Variants in STAU2 observed in about 807,000 individuals in gnomAD.
STAU2 encodes staufen double-stranded RNA binding protein 2.
Under a neutral mutation model 65.9 loss-of-function variants are expected in STAU2, and 20 were observed. That is an observed-to-expected ratio of 0.30 (90% CI 0.21 to 0.44). The LOEUF (loss-of-function observed/expected upper bound fraction) is 0.44, where lower values mean the gene tolerates loss of function less well. Ranked by LOEUF, STAU2 falls within the 20% of genes least tolerant of loss-of-function variation. The pLI, the probability that STAU2 is intolerant of heterozygous loss-of-function variation, is 1.00. For missense variants in STAU2, 558 were observed against 683.9 expected (o/e 0.82, Z 2.05); for synonymous variants, 232 against 233.9 (o/e 0.99, Z 0.07).
chr8:73,464,107 A>C (rs1488577667), intron 13 of STAU2, among the ~76,000 whole-genome samples: 3 of 152,170 alleles, frequency 2.0e-5, no homozygotes, highest in Non-Finnish European at 4.4e-5. Context: ...CTTTTGAATA[A>C]ACTTTTCCGG....
At chr8:73,570,980 T>C (rs560202991) in intron 12 of STAU2, among the ~76,000 whole-genome samples, 9 of 152,256 alleles carry the variant, frequency 5.9e-5, no homozygotes, top group Admixed American at 4.6e-4. Context: ...GACCCATCAG[T>C]GTGCTGTATT....
At chr8:73,683,686 A>G (rs1448837909) in intron 5 of STAU2, among the ~76,000 whole-genome samples, 5 of 152,292 alleles carry the variant, frequency 3.3e-5, no homozygotes, top group African/African-American at 1.2e-4. Context: ...TTTGCTGATG[A>G]TATGATCGTA....
chr8:73,435,713 G>A (rs2128886060), intron 13 of STAU2, among the ~76,000 whole-genome samples: 1 of 152,080 alleles, frequency 6.6e-6, no homozygotes, highest in African/African-American at 2.4e-5. Flanking sequence ...AGTCATCTGA[G>A]ATCTCAATCT....
rs150215255 is a variant in STAU2 at position 73,422,224 on chromosome 8, C to T, written c.1619+390G>A. Among the ~76,000 whole-genome samples, 619 of 152,322 alleles carry T rather than the reference C, an allele frequency of 4.1e-3. 4 individuals carry two copies. The highest frequency in any genetic ancestry group is 0.02 in the South Asian group (96 of 4,828). On this transcript the variant is annotated intron_variant, in intron 14 of 14. Coordinates refer to ENST00000524300, the MANE Select transcript of STAU2 (RefSeq NM_001164380.2). ...TCTCAACTTCTTTTTCTTTTCTCTC[C>T]GCTTTGCCCACAACTTAGCAGGAAT...
At chr8:73,660,464 T>A (rs1259052561) in intron 6 of STAU2, among the ~76,000 whole-genome samples, 1 of 152,182 alleles carries the variant, frequency 6.6e-6, no homozygotes, top group Admixed American at 6.5e-5. Context: ...TGGGCCTGCC[T>A]GGCTGCCTCT....
At chr8:73,425,630 T>G (rs1270258001) in intron 13 of STAU2, among the ~76,000 whole-genome samples, 1 of 152,174 alleles carries the variant, frequency 6.6e-6, no homozygotes, top group Admixed American at 6.5e-5. Context: ...TCTCTCTCTC[T>G]CTCTCTCTTC....
chr8:73,714,200 G>A (rs2130670186), intron 3 of STAU2, among the ~76,000 whole-genome samples: 1 of 152,268 alleles, frequency 6.6e-6, no homozygotes, highest in South Asian at 2.1e-4. Context: ...ACCACGCCCG[G>A]CCTTAAACAC....
At chr8:73,719,397 CA>C (rs1030280857) in intron 3 of STAU2, among the ~76,000 whole-genome samples, 4 of 149,782 alleles carry the variant, frequency 2.7e-5, no homozygotes, top group Non-Finnish European at 3.0e-5. Flanking sequence ...GAGACTGTCT[CA>C]AAAAAAAAGG....
intron 1 of STAU2, among the ~76,000 whole-genome samples, chr8:73,744,587 A>G (rs930505292): frequency 1.3e-5 from 2 of 151,996 alleles, no homozygotes; most frequent in East Asian, 3.9e-4. Flanking sequence ...CTTGATGACT[A>G]TCTTAGATTT....
At chr8:73,694,967 T>G (rs1426699846) in intron 4 of STAU2, among the ~76,000 whole-genome samples, 5 of 152,226 alleles carry the variant, frequency 3.3e-5, no homozygotes, top group African/African-American at 1.2e-4. Flanking sequence ...TTGAATTTCT[T>G]GGCAAGACTT....
At chr8:73,488,798 A>C (rs1276249114) in intron 13 of STAU2, among the ~76,000 whole-genome samples, 1 of 151,988 alleles carries the variant, frequency 6.6e-6, no homozygotes, top group Non-Finnish European at 1.5e-5. Flanking sequence ...AAATGTTCTC[A>C]TAAGTTTCAA....
intron 1 of STAU2, among the ~76,000 whole-genome samples, chr8:73,743,340 T>C (rs1362855117): frequency 6.6e-6 from 1 of 152,132 alleles, no homozygotes; most frequent in Non-Finnish European, 1.5e-5. Context: ...AGGCATTATC[T>C]CCATTTTTCT....
chr8:73,681,629 TA>T (rs1818441621), intron 5 of STAU2, among the ~76,000 whole-genome samples: 1 of 152,032 alleles, frequency 6.6e-6, no homozygotes, highest in Non-Finnish European at 1.5e-5. Flanking sequence ...CACATCTTAA[TA>T]CTAATGTTGA....
intron 9 of STAU2, among the ~76,000 whole-genome samples, chr8:73,609,588 A>C (rs1294046095): frequency 6.6e-6 from 1 of 152,114 alleles, no homozygotes; most frequent in Non-Finnish European, 1.5e-5. Context: ...CAGGAGGTGG[A>C]GGTTGCAGTG....
At chr8:73,570,272 A>G (rs902471124) in intron 12 of STAU2, among the ~76,000 whole-genome samples, 2 of 152,214 alleles carry the variant, frequency 1.3e-5, no homozygotes, top group African/African-American at 4.8e-5. Flanking sequence ...AAAAAGAGTA[A>G]AAAGAAATGA....
chr8:73,524,155 G>A (rs1319599503), intron 13 of STAU2, among the ~76,000 whole-genome samples: 1 of 152,162 alleles, frequency 6.6e-6, no homozygotes, highest in Non-Finnish European at 1.5e-5. Flanking sequence ...ACTTAAACTA[G>A]AATGGTAAAA....
At chr8:73,644,314 G>A (rs909896469) in intron 6 of STAU2, among the ~76,000 whole-genome samples, 1 of 152,082 alleles carries the variant, frequency 6.6e-6, no homozygotes. Context: ...TTAGCCAGGT[G>A]TGCACCTGTA....
At chr8:73,454,943 C>T (rs1023763944) in intron 13 of STAU2, among the ~76,000 whole-genome samples, 4 of 151,800 alleles carry the variant, frequency 2.6e-5, no homozygotes, top group African/African-American at 7.3e-5. Context: ...GTCGAGTGGT[C>T]CTCCCACCAC....
intron 13 of STAU2, among the ~76,000 whole-genome samples, chr8:73,543,104 AACT>A (rs1205009903): frequency 6.6e-6 from 1 of 152,226 alleles, no homozygotes; most frequent in East Asian, 1.9e-4. Context: ...TAGCAATAAA[AACT>A]ACTGATACAT....
Sources: allele counts gnomAD v4.1 joint callset (sites outside exome capture counted in the v4.1 genomes callset), GRCh38; gene constraint gnomAD v4.1.1; transcripts MANE v1.5; gene names NCBI Gene and HGNC (gene_info 2026-07-23, HGNC 2026-07-21).